Variants in MLIP observed in about 807,000 individuals in gnomAD.
MLIP encodes the protein muscular LMNA interacting protein, also known as muscular LMNA-interacting protein.
MLIP carries 79 observed loss-of-function variants against 84.8 expected under a neutral mutation model. That is an observed-to-expected ratio of 0.93 (90% CI 0.78 to 1.12). The LOEUF (loss-of-function observed/expected upper bound fraction) is 1.12, where lower values mean the gene tolerates loss of function less well. Among genes scored for constraint, MLIP ranks in the 50% most tolerant of loss-of-function variants. The pLI, the probability that MLIP is intolerant of heterozygous loss-of-function variation, is 0.00. For synonymous variants in MLIP, 504 were observed against 463.0 expected (o/e 1.09, Z -1.14); for missense variants, 1,257 against 1,160.6 (o/e 1.08, Z -1.21).
At chr6:54,210,958 G>T (rs894003634) in intron 11 of MLIP, among the ~76,000 whole-genome samples, 1 of 152,114 alleles carries the variant, frequency 6.6e-6, no homozygotes, top group African/African-American at 2.4e-5. Context: ...AGTTGGGAGG[G>T]CTGGGTGCAG....
chr6:54,186,504 G>A (rs933271683), intron 9 of MLIP, among the ~76,000 whole-genome samples: 1 of 152,182 alleles, frequency 6.6e-6, no homozygotes, highest in African/African-American at 2.4e-5. Context: ...GTCTGAGACT[G>A]GGTAATTTAT....
chr6:54,123,024 CG>C (rs1191517747), intron 2 of MLIP, among the ~76,000 whole-genome samples: 4 of 152,082 alleles, frequency 2.6e-5, no homozygotes, highest in Admixed American at 6.5e-5. Context: ...CTCCGCCTCC[CG>C]GGTTCACTCC....
intron 10 of MLIP, among the ~76,000 whole-genome samples, chr6:54,197,570 T>C (rs1476575763): frequency 4.6e-5 from 7 of 152,150 alleles, no homozygotes; most frequent in Non-Finnish European, 1.0e-4. Flanking sequence ...TTGGAGAATC[T>C]TCTCATTTTT....
chr6:54,156,403 T>C (rs1183801627), intron 5 of MLIP, among the ~76,000 whole-genome samples: 1 of 152,128 alleles, frequency 6.6e-6, no homozygotes, highest in East Asian at 1.9e-4. Flanking sequence ...GTTCTGTCAT[T>C]CTCTGAGTGA....
rs746305272 is a variant in MLIP at position 54,084,946 on chromosome 6, A to G, written c.64-36501A>G. ...TTGAGATGATTCCAGGTGTTACTCT[A>G]GGAATGTGTTCCAATTTTGTAGCAA... On this transcript the variant is annotated intron_variant, in intron 1 of 12. Transcript: ENST00000274897. Among the ~76,000 whole-genome samples the G allele has an allele frequency of 4.6e-5, 7 of 152,204 alleles. No individual in the cohort carries two copies. The South Asian group carries it at 6.2e-4, about 14-fold the overall frequency.
chr6:54,144,815 A>AT (rs1249988739), intron 4 of MLIP, among the ~76,000 whole-genome samples: 2 of 152,178 alleles, frequency 1.3e-5, no homozygotes, highest in Non-Finnish European at 2.9e-5. Context: ...ATGGATCTTT[A>AT]TTACTAGAGC....
At chr6:54,142,433 T>C (rs1407322777) in intron 4 of MLIP, among the ~76,000 whole-genome samples, 1 of 152,134 alleles carries the variant, frequency 6.6e-6, no homozygotes, top group Non-Finnish European at 1.5e-5. Context: ...TAGGTTTCTT[T>C]GAGAATGTAA....
chr6:54,031,334 A>G (rs933692648), intron 1 of MLIP: 3 of 152,126 alleles, frequency 2.0e-5, no homozygotes, highest in Non-Finnish European at 4.4e-5. Flanking sequence ...TCCTTATCCG[A>G]GAGCAGATTT....
chr6:54,033,024 C>T (rs1187173306), intron 1 of MLIP, among the ~76,000 whole-genome samples: 1 of 152,118 alleles, frequency 6.6e-6, no homozygotes, highest in East Asian at 1.9e-4. Context: ...CTAAATATTT[C>T]AGGACATTAC....
At chr6:54,135,529 C>G (rs192669937) in intron 3 of MLIP, among the ~76,000 whole-genome samples, 1 of 151,984 alleles carries the variant, frequency 6.6e-6, no homozygotes, top group Admixed American at 6.6e-5. Context: ...ATGTTATAAG[C>G]AAAATCAAGA....
At position 54,055,698 on chromosome 6, in the gene MLIP, T is replaced by C. The variant is rs1410323211; in HGVS notation, c.63+36607T>C. On this transcript the variant is annotated intron_variant, in intron 1 of 12. Transcript: ENST00000274897. The stretch of plus-strand genomic sequence containing the variant: ...ACAAACATGGAACACATAATAAATA[T>C]GATTATTAAAATATATATTCTATAT... 2.0e-5 allele frequency among the ~76,000 whole-genome samples: 3 copies of C among 152,086 alleles called. No individual in the cohort carries two copies. The East Asian group carries it at 5.8e-4, about 29-fold the overall frequency.
At chr6:54,036,396 T>C (rs1764444781) in intron 1 of MLIP, among the ~76,000 whole-genome samples, 1 of 151,936 alleles carries the variant, frequency 6.6e-6, no homozygotes, top group Non-Finnish European at 1.5e-5. Context: ...GTCACCAGTG[T>C]ATTAATGGGA....
chr6:54,218,375 T>G (rs1035133551), intron 11 of MLIP, among the ~76,000 whole-genome samples: 1 of 152,070 alleles, frequency 6.6e-6, no homozygotes, highest in Non-Finnish European at 1.5e-5. Flanking sequence ...ATATAAAAAA[T>G]AAAAGAAGGA....
At chr6:54,125,545 G>A (rs1770853408) in intron 3 of MLIP, among the ~76,000 whole-genome samples, 2 of 152,184 alleles carry the variant, frequency 1.3e-5, no homozygotes, top group South Asian at 4.1e-4. Context: ...GGAAAGAAAG[G>A]ATGCGGACAA....
chr6:54,220,288 C>T (rs1780133544), intron 11 of MLIP, among the ~76,000 whole-genome samples: 1 of 151,960 alleles, frequency 6.6e-6, no homozygotes, highest in South Asian at 2.1e-4. Flanking sequence ...ATTAACAAAA[C>T]CGGCATCCAA....
At chr6:54,199,159 T>C (rs1778499847) in intron 10 of MLIP, among the ~76,000 whole-genome samples, 1 of 152,108 alleles carries the variant, frequency 6.6e-6, no homozygotes, top group Non-Finnish European at 1.5e-5. Flanking sequence ...GCTTTGTTTT[T>C]GATTAGACAG....
At chr6:54,105,808 A>G (rs1308701021) in intron 1 of MLIP, among the ~76,000 whole-genome samples, 3 of 152,118 alleles carry the variant, frequency 2.0e-5, no homozygotes, top group Non-Finnish European at 4.4e-5. Context: ...GAGTAGGATT[A>G]GCATGTTCTA....
chr6:54,185,125 G>A (rs1777261755), intron 9 of MLIP, among the ~76,000 whole-genome samples: 1 of 152,116 alleles, frequency 6.6e-6, no homozygotes, highest in Non-Finnish European at 1.5e-5. Context: ...CTACAATATT[G>A]ATGACATAAT....
chr6:54,035,142 C>T (rs1443609002), intron 1 of MLIP, among the ~76,000 whole-genome samples: 5 of 152,058 alleles, frequency 3.3e-5, no homozygotes. Flanking sequence ...TAAGTTTACT[C>T]CATGAGGTTT....
Sources: gnomAD v4.1 joint callset for allele counts (sites outside exome capture counted in the v4.1 genomes callset) on GRCh38, gnomAD v4.1.1 for gene constraint, MANE v1.5 for transcripts, NCBI Gene and HGNC (gene_info 2026-07-23, HGNC 2026-07-21) for gene names.